The following GIGYF2 variants were observed in gnomAD, a reference collection of about 807,000 sequenced individuals.
GIGYF2 encodes GRB10-interacting GYF protein 2.
GIGYF2 carries 25 observed loss-of-function variants against 208.1 expected under a neutral mutation model. The observed-to-expected ratio is 0.12, with a 90% confidence interval of 0.09 to 0.17. The LOEUF is 0.17. Ranked by LOEUF, GIGYF2 falls within the 10% of genes least tolerant of loss-of-function variation. GIGYF2 has a pLI of 1.00. For synonymous variants in GIGYF2, 534 were observed against 543.8 expected (o/e 0.98, Z 0.25); for missense variants, 1,302 against 1,579.4 (o/e 0.82, Z 2.98).
chr2:232,737,908 T>G (rs997108752), intron 3 of GIGYF2, among the ~76,000 whole-genome samples: 22 of 15,030 alleles, frequency 1.5e-3, no homozygotes, highest in Admixed American at 0.012. Context: ...AAGCTTTAAC[T>G]TTTTTTTTTT....
intron 21 of GIGYF2, among the ~76,000 whole-genome samples, chr2:232,827,047 T>C (rs573365912): frequency 2.0e-5 from 3 of 152,286 alleles, no homozygotes; most frequent in East Asian, 3.9e-4. Context: ...TCTAGGACTT[T>C]CTTAGCTAGA....
At chr2:232,772,946 A>G (rs1185968547) in intron 8 of GIGYF2, among the ~76,000 whole-genome samples, 1 of 152,156 alleles carries the variant, frequency 6.6e-6, no homozygotes, top group South Asian at 2.1e-4. Context: ...CTGGGTATAT[A>G]CAACTTTCTT....
chr2:232,710,320 C>T (rs1478883031), intron 2 of GIGYF2, among the ~76,000 whole-genome samples: 1 of 152,114 alleles, frequency 6.6e-6, no homozygotes, highest in African/African-American at 2.4e-5. Flanking sequence ...AACTCCTAGC[C>T]TCAAGCAATC....
At chr2:232,775,611 T>C (rs1240080402) in intron 8 of GIGYF2, among the ~76,000 whole-genome samples, 9 of 152,168 alleles carry the variant, frequency 5.9e-5, no homozygotes, top group Admixed American at 5.9e-4. Context: ...TATTTGCCCA[T>C]TTATAAATTA....
At chr2:232,758,053 T>C (rs1442036654) in intron 6 of GIGYF2, among the ~76,000 whole-genome samples, 1 of 152,228 alleles carries the variant, frequency 6.6e-6, no homozygotes, top group African/African-American at 2.4e-5. Context: ...ACTTTTAACA[T>C]TATCTCAACC....
chr2:232,774,386 A>G (rs1699422608), intron 8 of GIGYF2, among the ~76,000 whole-genome samples: 2 of 152,218 alleles, frequency 1.3e-5, no homozygotes, highest in Non-Finnish European at 2.9e-5. Flanking sequence ...GACTTCTTTC[A>G]AGACTTGAAG....
intron 5 of GIGYF2, among the ~76,000 whole-genome samples, chr2:232,750,289 G>A (rs1698291150): frequency 6.6e-6 from 1 of 152,114 alleles, no homozygotes; most frequent in African/African-American, 2.4e-5. Flanking sequence ...AATGCACCTT[G>A]GACATGGCTG....
intron 19 of GIGYF2, 170 bp downstream of exon 19, chr2:232,815,907 A>G: frequency 1.7e-6 from 1 of 600,442 alleles, no homozygotes. Flanking sequence ...TTCTCCCAAA[A>G]AAAAAAAACT....
At chr2:232,796,752 C>G (rs1019910967) in intron 14 of GIGYF2, among the ~76,000 whole-genome samples, 1 of 151,874 alleles carries the variant, frequency 6.6e-6, no homozygotes, top group Non-Finnish European at 1.5e-5. Context: ...CCCAGCTACT[C>G]GGGAGGGTGA....
intron 3 of GIGYF2, among the ~76,000 whole-genome samples, chr2:232,741,596 C>T (rs1422529733): frequency 6.6e-6 from 1 of 152,072 alleles, no homozygotes; most frequent in Non-Finnish European, 1.5e-5. Flanking sequence ...GCATGCATCA[C>T]CACGCCTGAC....
intron 21 of GIGYF2, among the ~76,000 whole-genome samples, chr2:232,820,965 G>A (rs939228387): frequency 6.6e-6 from 1 of 151,498 alleles, no homozygotes; most frequent in Non-Finnish European, 1.5e-5. Context: ...CAAGTACCTG[G>A]GACTGCAGGC....
rs573988703 is a variant in GIGYF2 at position 232,798,763 on chromosome 2, C to A, written c.1639+2542C>A. On this transcript the variant is annotated intron_variant, in intron 14 of 28. Coordinates refer to ENST00000373563, the MANE Select transcript of GIGYF2 (RefSeq NM_001103146.3). ...TGTTTCATGTCTTTTTTGTTCATGT[C>A]CTAATTGGATTGTTTGCTTATTTTA... is the stretch of plus-strand genomic sequence containing the variant. Among the ~76,000 whole-genome samples the A allele has an allele frequency of 7.3e-5, 11 of 151,088 alleles. No homozygotes were observed. The South Asian group carries it at 2.3e-3, about 32-fold the overall frequency.
chr2:232,816,146 C>T (rs575437688), intron 19 of GIGYF2, among the ~76,000 whole-genome samples: 43 of 152,152 alleles, frequency 2.8e-4, no homozygotes, highest in Non-Finnish European at 5.3e-4. Context: ...TATCCTCAGA[C>T]GTAGCAGCCA....
chr2:232,708,515 T>C (rs1696235085), intron 2 of GIGYF2, among the ~76,000 whole-genome samples: 1 of 152,028 alleles, frequency 6.6e-6, no homozygotes, highest in South Asian at 2.1e-4. Context: ...GCTTGAGGGC[T>C]TTTGAACAGA....
intron 20 of GIGYF2, 99 bp downstream of exon 20, chr2:232,817,131 A>G: frequency 1.1e-6 from 1 of 950,692 alleles, no homozygotes; most frequent in Middle Eastern, 2.1e-4. Flanking sequence ...AGTCCACAGG[A>G]TTGGGGTTAG....
intron 2 of GIGYF2, among the ~76,000 whole-genome samples, chr2:232,731,964 TGAA>T (rs879874426): frequency 7.9e-5 from 12 of 152,298 alleles, no homozygotes; most frequent in Middle Eastern, 6.8e-3. Flanking sequence ...TGTATGAAAA[TGAA>T]AATAGAAGTA....
intron 2 of GIGYF2, among the ~76,000 whole-genome samples, chr2:232,727,105 T>C (rs1418186786): frequency 1.3e-5 from 2 of 152,110 alleles, no homozygotes; most frequent in East Asian, 1.9e-4. Flanking sequence ...ACTGGGATTA[T>C]AGGCGTGCAC....
rs546588096 is a variant in GIGYF2, at chr2:232,749,901, TG to T, written c.267+823del. 5.1e-3 allele frequency among the ~76,000 whole-genome samples: 780 copies of T among 152,174 alleles called. 4 individuals carry two copies. Among genetic ancestry groups the T allele is most frequent in the African/African-American group, 0.018 (755 of 41,516 alleles). On this transcript the variant is annotated intron_variant, in intron 5 of 28. Coordinates refer to ENST00000373563, the MANE Select transcript of GIGYF2 (RefSeq NM_001103146.3). Reference sequence around the variant, plus strand: ...ATGAAATTTTGAACGACAAAAATGTTGGGGCCAGACGCATGACTCACACCTG... The same window carrying T: ...ATGAAATTTTGAACGACAAAAATGTTGGGCCAGACGCATGACTCACACCTG...
intron 23 of GIGYF2, among the ~76,000 whole-genome samples, chr2:232,843,464 G>A (rs190341568): frequency 2.7e-3 from 416 of 151,572 alleles, no homozygotes; most frequent in African/African-American, 9.8e-3. Context: ...TCAGGAGGCC[G>A]AGGCAGGAGA....
Sources: gnomAD v4.1 joint callset for allele counts (sites outside exome capture counted in the v4.1 genomes callset) on GRCh38, gnomAD v4.1.1 for gene constraint, MANE v1.5 for transcripts, NCBI Gene and HGNC (gene_info 2026-07-23, HGNC 2026-07-21) for gene names.